CBLB: variants seen among roughly 807,000 people sequenced by gnomAD.
CBLB encodes E3 ubiquitin-protein ligase CBL-B.
CBLB carries 31 observed loss-of-function variants against 104.9 expected under a neutral mutation model. The ratio of observed to expected loss-of-function variants is 0.30; its 90% CI spans 0.22 to 0.40. The LOEUF (loss-of-function observed/expected upper bound fraction) is 0.40, where lower values mean the gene tolerates loss of function less well. Ranked by LOEUF, CBLB falls within the 10% of genes least tolerant of loss-of-function variation. The probability of loss-of-function intolerance (pLI) is 1.00; values close to 1 mark genes in which losing one functional copy is unlikely to be tolerated. For synonymous variants in CBLB, 440 were observed against 422.6 expected, an observed-to-expected ratio of 1.04 and a Z score of -0.51; for missense variants, 1,062 against 1,214.6, an observed-to-expected ratio of 0.87 and a Z score of 1.87.
chr3:105,740,538 G>C lies in CBLB; in HGVS notation c.939C>G (p.Asn313Lys). 6.2e-7 allele frequency: 1 copy of C among 1,614,016 alleles called. No homozygotes were observed. Among genetic ancestry groups the C allele is most frequent in the Non-Finnish European group, 8.5e-7 (1 of 1,179,928 alleles). Reference protein sequence around the residue: ...DGNILQTIPHNKPLFQALIDG... With the variant: ...DGNILQTIPHKKPLFQALIDG... ...CAATCAGGGCTTGAAATAAGGGCTT[G>C]TTATGAGGTATGGTCTGTAAGATAT... Residue 313 changes from asparagine to lysine, a missense_variant, in exon 7 of 19, where the codon AAC (asparagine) becomes AAG (lysine). Physicochemically the swap from Asn to Lys is moderately conservative, Grantham distance 94. Transcript: ENST00000394030.
In CBLB at chr3:105,704,135, T is replaced by C; in HGVS notation, c.1446A>G (p.Gly482=). 1 of 1,614,056 alleles carries C rather than the reference T, an allele frequency of 6.2e-7. No homozygotes were observed. Among genetic ancestry groups the C allele is most frequent in the Non-Finnish European group, 8.5e-7 (1 of 1,179,990 alleles). Residue 482 remains glycine, a synonymous_variant, in exon 11 of 19, where the codon GGA becomes GGG. Transcript: ENST00000394030. ...DRQNSPVTSP[G]SSPLAQRRKP... is the part of the protein sequence containing the mutation. ...TTCTTCTCTGGGCAAGGGGAGAGGATCCTGGTGATGTGACTGGTGAGTTCT... is the reference window on the plus strand; with the variant it reads ...TTCTTCTCTGGGCAAGGGGAGAGGACCCTGGTGATGTGACTGGTGAGTTCT...
chr3:105,694,640 A>C (rs928039252), intron 12 of CBLB, among the ~76,000 whole-genome samples: 2 of 151,896 alleles, frequency 1.3e-5, no homozygotes, highest in African/African-American at 2.4e-5. Context: ...TATCAACTTA[A>C]AATAAGAAAC....
intron 9 of CBLB, among the ~76,000 whole-genome samples, chr3:105,724,388 T>C (rs2073309372): frequency 1.3e-5 from 2 of 152,136 alleles, no homozygotes; most frequent in African/African-American, 4.8e-5. Flanking sequence ...AGCACAGACA[T>C]TCTGAATTAG....
At chr3:105,660,966 CTTTT>C (rs35803625) in intron 18 of CBLB, among the ~76,000 whole-genome samples, 2 of 142,916 alleles carry the variant, frequency 1.4e-5, no homozygotes, top group Non-Finnish European at 1.5e-5. Flanking sequence ...ATGTCTTCTT[CTTTT>C]TTTTTTTTTT....
At chr3:105,732,224 T>C (rs768718979) in intron 9 of CBLB, among the ~76,000 whole-genome samples, 7 of 131,110 alleles carry the variant, frequency 5.3e-5, no homozygotes, top group Non-Finnish European at 1.2e-4. Flanking sequence ...TAATACCTCC[T>C]ACTGACACAT....
chr3:105,723,782 T>A (rs1206444619), intron 9 of CBLB, among the ~76,000 whole-genome samples: 1 of 152,086 alleles, frequency 6.6e-6, no homozygotes, highest in Non-Finnish European at 1.5e-5. Flanking sequence ...TTCTTTTAAA[T>A]GTTTTTCAAG....
At chr3:105,734,178 T>C in intron 8 of CBLB, 38 bp from the exon 9 acceptor site, 1 of 1,607,754 alleles carries the variant, frequency 6.2e-7, no homozygotes, top group Non-Finnish European at 8.5e-7. Context: ...AATGTTAATG[T>C]ATTTCCAGCA....
Position 105,685,406 on chromosome 3 carries a change from A to T in CBLB, c.2115T>A (p.Asp705Glu), listed in dbSNP as rs558870768. The stretch of plus-strand genomic sequence containing the variant: ...ATGAAGGAATCTTGTATTCATCATC[A>T]TCTTCCTCTACTGGGTCTCTTGTTT... The part of the protein sequence containing the change: ...SEKTRDPVEE[D>E]DDEYKIPSSH... Residue 705 changes from aspartate (D) to glutamate (E), a missense_variant, in exon 14 of 19, where the codon GAT (aspartate) becomes GAA (glutamate). By Grantham distance (45) the Asp-to-Glu change is conservative. Around this residue, in one of 2 missense-constraint regions of CBLB, gnomAD observed 605 missense variants for 582.6 expected, o/e 1.04. Coordinates refer to ENST00000394030, the MANE Select transcript of CBLB (RefSeq NM_170662.5). The T allele has an allele frequency of 1.9e-6, 3 of 1,612,090 alleles. No homozygotes were observed. The highest frequency in any genetic ancestry group is 3.3e-5 in the Admixed American group (2 of 60,024).
chr3:105,703,186 A>G (rs1219141689), intron 11 of CBLB, among the ~76,000 whole-genome samples: 1 of 152,140 alleles, frequency 6.6e-6, no homozygotes, highest in Non-Finnish European at 1.5e-5. Context: ...TTGATTTGTA[A>G]TTTTAATGTT....
intron 3 of CBLB, among the ~76,000 whole-genome samples, chr3:105,835,291 G>GA (rs1489223302): frequency 2.6e-5 from 4 of 152,274 alleles, no homozygotes; most frequent in East Asian, 3.9e-4. Flanking sequence ...ATCTTTTTGT[G>GA]AAAACTGAAC....
rs1194144843 is a variant in CBLB at position 105,659,210 on chromosome 3, GGCTGGT to G, written c.2703_2708del (p.Pro902_Ala903del). The G allele has an allele frequency of 6.2e-7, 1 of 1,613,896 alleles. No homozygotes were observed. The highest frequency in any genetic ancestry group is 2.2e-5 in the East Asian group (1 of 44,860). On this transcript the variant is annotated inframe_deletion, in exon 19 of 19. Coordinates refer to ENST00000394030, the MANE Select transcript of CBLB (RefSeq NM_170662.5). ...TGCGCGGTCGTGGTTTAGGGGGTCTGGCTGGTGCCTGTGAACCATCTGTGTAGATTT... is the reference window on the plus strand; with the variant it reads ...TGCGCGGTCGTGGTTTAGGGGGTCTGGCCTGTGAACCATCTGTGTAGATTT...
chr3:105,853,556 C>T lies in CBLB; in HGVS notation c.277G>A (p.Asp93Asn), dbSNP rs1239615924. The T allele has an allele frequency of 2.5e-6, 4 of 1,613,266 alleles. No individual in the cohort carries two copies. Among genetic ancestry groups the T allele is most frequent in the Non-Finnish European group, 3.4e-6 (4 of 1,179,460 alleles). Residue 93 changes from aspartate to asparagine, a missense_variant, in exon 3 of 19, where the codon GAT becomes AAT. Around this residue, in one of 2 missense-constraint regions of CBLB, gnomAD observed 457 missense variants for 632.0 expected, o/e 0.72. Transcript: ENST00000394030. The part of the protein sequence containing the change: ...QHLRLILSKY[D>N]DNQKLAQLSE... ...AGTTGGGCAAGTTTCTGGTTGTCAT[C>T]ATATTTACTCAATATAAGTCGTAAA...
chr3:105,655,970 A>G lies in CBLB; in HGVS notation c.*3000T>C, dbSNP rs9657915. The G allele has an allele frequency of 0.25, 57,987 of 227,596 alleles. 7,612 individuals carry two copies. Among genetic ancestry groups the G allele is most frequent in the Admixed American group, 0.27 (4,819 of 17,610 alleles). The allele number at this position is 227,596 out of a possible 1,614,324, so 14.1% of individuals were successfully genotyped here. ...AAGAAATGGGACCCTTTTAAGTTGCAGTGAGGGTTCTATTATGAAGACTAT... is the reference window on the plus strand; with the variant it reads ...AAGAAATGGGACCCTTTTAAGTTGCGGTGAGGGTTCTATTATGAAGACTAT... On this transcript the variant is annotated 3_prime_UTR_variant, in exon 19 of 19. Transcript: ENST00000394030.
chr3:105,678,553 G>A lies in CBLB; in HGVS notation c.2447C>T (p.Ala816Val), dbSNP rs993013796. 1.2e-6 allele frequency: 2 copies of A among 1,611,894 alleles called. No individual in the cohort carries two copies. The highest frequency in any genetic ancestry group is 4.5e-5 in the East Asian group (2 of 44,812). ...GGGAGGTGGGAGAGATGGAGGGAGG[G>A]CATCAAAAGCATCTTCACCTGCATT... ...IPPLGEDAFDALPPSLPPPPP... is the reference protein window; with the variant it reads ...IPPLGEDAFDVLPPSLPPPPP... Residue 816 changes from alanine (A) to valine (V), a missense_variant, in exon 17 of 19, where the codon GCC becomes GTC. Physicochemically the swap from Ala to Val is moderately conservative, Grantham distance 64. Around this residue, in one of 2 missense-constraint regions of CBLB, gnomAD observed 605 missense variants for 582.6 expected, o/e 1.04. Transcript: ENST00000394030.
At chr3:105,828,868 G>A (rs1022898728) in intron 3 of CBLB, among the ~76,000 whole-genome samples, 3 of 152,102 alleles carry the variant, frequency 2.0e-5, no homozygotes, top group African/African-American at 7.2e-5. Context: ...TTTATACAAC[G>A]TTCTCTTGGG....
intron 4 of CBLB, among the ~76,000 whole-genome samples, chr3:105,756,285 T>G (rs2077076438): frequency 6.6e-6 from 1 of 152,166 alleles, no homozygotes. Flanking sequence ...ACATGGTTGC[T>G]GAACACAAAA....
intron 3 of CBLB, among the ~76,000 whole-genome samples, chr3:105,849,123 T>A (rs2090635621): frequency 6.6e-6 from 1 of 152,110 alleles, no homozygotes; most frequent in Non-Finnish European, 1.5e-5. Flanking sequence ...CATTTTAGAC[T>A]CAGTTTGCAT....
chr3:105,681,090 G>GT (rs2066265794), intron 16 of CBLB: 1 of 248,584 alleles, frequency 4.0e-6, no homozygotes, highest in Non-Finnish European at 7.8e-6. Flanking sequence ...TTTAATTAGC[G>GT]TAAGTGGAAC....
At chr3:105,857,447 A>G (rs1368089023) in intron 2 of CBLB, among the ~76,000 whole-genome samples, 3 of 152,188 alleles carry the variant, frequency 2.0e-5, no homozygotes, top group Non-Finnish European at 4.4e-5. Context: ...TTAACTTAAG[A>G]GCAATGTAAT....
Sources: allele counts gnomAD v4.1 joint callset (sites outside exome capture counted in the v4.1 genomes callset), GRCh38; gene constraint gnomAD v4.1.1; regional missense constraint gnomAD v4.1.1; transcripts MANE v1.5; gene names NCBI Gene and HGNC (gene_info 2026-07-23, HGNC 2026-07-21).